FBLN2: variants seen among roughly 807,000 people sequenced by gnomAD.
The protein encoded by FBLN2 is fibulin-2.
In FBLN2, 81 loss-of-function variants were observed where a neutral mutation model predicts 123.7. That is an observed-to-expected ratio of 0.65 (90% CI 0.55 to 0.79). FBLN2 has a LOEUF of 0.79. FBLN2 is among the 30% of genes least tolerant of loss of function. The probability of loss-of-function intolerance (pLI) is 0.00; values close to 1 mark genes in which losing one functional copy is unlikely to be tolerated. For missense variants in FBLN2, 1,603 were observed against 1,681.3 expected, an observed-to-expected ratio of 0.95 and a Z score of 0.81; for synonymous variants, 699 against 701.4, an observed-to-expected ratio of 1.00 and a Z score of 0.05.
At chr3:13,619,665 G>C in intron 7 of FBLN2, 65 bp from the exon 8 acceptor site, 1 of 1,359,984 alleles carries the variant, frequency 7.4e-7, no homozygotes. Context: ...CAGGGATGGG[G>C]AATGAGCCAG....
At chr3:13,617,163 CATCCATCCATCCATCT>C (rs1338075217) in intron 5 of FBLN2, among the ~76,000 whole-genome samples, 2 of 151,670 alleles carry the variant, frequency 1.3e-5, no homozygotes, top group African/African-American at 2.4e-5. Context: ...TCCATCCATC[CATCCATCCATCCATCT>C]ATCCATCCAT....
chr3:13,571,540 T>C lies in FBLN2; in HGVS notation c.1185T>C (p.Asp395=). Residue 395 remains aspartate (D), a synonymous_variant, in exon 2 of 18, where the codon GAT becomes GAC. Transcript: ENST00000404922. ...ACATCCTGTCCACATCACTGCCTGA[T>C]GCAGCCTGGATCCCACCCACCCGAG... ...PHNILSTSLP[D]AAWIPPTREV... is the part of the protein sequence containing the mutation. 1.9e-6 allele frequency: 3 copies of C among 1,613,664 alleles called. No homozygotes were observed. Among genetic ancestry groups the C allele is most frequent in the Non-Finnish European group, 2.5e-6 (3 of 1,179,844 alleles).
At chr3:13,584,496 G>A (rs538182579) in intron 2 of FBLN2, among the ~76,000 whole-genome samples, 2 of 152,328 alleles carry the variant, frequency 1.3e-5, no homozygotes, top group South Asian at 4.1e-4. Context: ...GGGACCTGCA[G>A]GTTACTGTGC....
chr3:13,608,197 G>C, intron 3 of FBLN2, 24 bp downstream of exon 3: 1 of 1,531,978 alleles, frequency 6.5e-7, no homozygotes, highest in Non-Finnish European at 8.9e-7. Context: ...CCTGGAGCAG[G>C]CGGAGCTGCC....
intron 15 of FBLN2, 53 bp downstream of exon 15, chr3:13,630,868 G>C: frequency 7.2e-7 from 1 of 1,388,596 alleles, no homozygotes; most frequent in Non-Finnish European, 1.0e-6. Context: ...CCTTTCCCTT[G>C]TGCCAGGCTC....
chr3:13,581,606 C>T (rs966610356), intron 2 of FBLN2, among the ~76,000 whole-genome samples: 2 of 152,180 alleles, frequency 1.3e-5, no homozygotes, highest in Admixed American at 6.5e-5. Flanking sequence ...GTCAAGAGGC[C>T]AGCCCAGGGT....
chr3:13,570,671 A>G lies in FBLN2; in HGVS notation c.316A>G (p.Lys106Glu). The change falls in exon 2 of 18, where the codon AAG (lysine) becomes GAG (glutamate). Residue 106 changes from lysine to glutamate, a missense_variant. Transcript: ENST00000404922. ...GTGCTCCTGCCCACCAGGCGGCGGCAAGATCAGCTGCCAGTTCATGCTGTG... is the reference window on the plus strand; with the variant it reads ...GTGCTCCTGCCCACCAGGCGGCGGCGAGATCAGCTGCCAGTTCATGCTGTG... ...TECSCPPGGG[K>E]ISCQFMLCPE... is the part of the protein sequence containing the mutation. 1 of 1,586,202 alleles carries G rather than the reference A, an allele frequency of 6.3e-7. No homozygotes were observed.
chr3:13,555,775 G>C (rs934129851), intron 1 of FBLN2, among the ~76,000 whole-genome samples: 1 of 152,216 alleles, frequency 6.6e-6, no homozygotes, highest in Non-Finnish European at 1.5e-5. Context: ...AAAAAGAATG[G>C]TTGGCAAGCG....
Position 13,638,136 on chromosome 3 carries a change from C to T in FBLN2, c.*217C>T, listed in dbSNP as rs906563884. 2.5e-5 allele frequency: 16 copies of T among 651,296 alleles called. No homozygotes were observed. The Admixed American group carries it at 3.2e-4, about 13-fold the overall frequency. The allele number at this position is 651,296 out of a possible 1,614,324, so 40.3% of individuals were successfully genotyped here. A position where few individuals can be genotyped will look rare whatever the true frequency, so the allele number is the denominator to read the frequency against. Reference sequence around the variant, plus strand: ...CGCAGGCACCAAGTGGAAGCTTGCACGGTGGGCCACGGCCGTGGCGGGTGC... The same window carrying T: ...CGCAGGCACCAAGTGGAAGCTTGCATGGTGGGCCACGGCCGTGGCGGGTGC... On this transcript the variant is annotated 3_prime_UTR_variant, in exon 18 of 18. Coordinates refer to ENST00000404922, the MANE Select transcript of FBLN2 (RefSeq NM_001004019.2).
chr3:13,609,688 G>GGGGGGCCC, intron 4 of FBLN2, 46 bp downstream of exon 4: 1 of 512,600 alleles, frequency 2.0e-6, no homozygotes, highest in Non-Finnish European at 3.6e-6. Context: ...GTGGGGCGGG[G>GGGGGGCCC]CGGGAGGCTG....
At chr3:13,575,902 C>T (rs1248599047) in intron 2 of FBLN2, among the ~76,000 whole-genome samples, 1 of 152,350 alleles carries the variant, frequency 6.6e-6, no homozygotes, top group Admixed American at 6.5e-5. Context: ...GCTAGCCACA[C>T]CTCTTGGACT....
chr3:13,573,071 C>T (rs1488182605), intron 2 of FBLN2, among the ~76,000 whole-genome samples: 1 of 152,130 alleles, frequency 6.6e-6, no homozygotes, highest in Non-Finnish European at 1.5e-5. Context: ...CCTCACAGAC[C>T]CACAGACATT....
intron 1 of FBLN2, 77 bp from the exon 2 acceptor site, chr3:13,570,238 C>T (rs1703885917): frequency 9.9e-6 from 14 of 1,418,288 alleles, no homozygotes; most frequent in African/African-American, 1.4e-5. Flanking sequence ...TGGGCCCCTG[C>T]CCGCGTGCGT....
At chr3:13,561,867 A>G (rs1021938464) in intron 1 of FBLN2, among the ~76,000 whole-genome samples, 1 of 152,212 alleles carries the variant, frequency 6.6e-6, no homozygotes, top group Non-Finnish European at 1.5e-5. Flanking sequence ...AGACCTGTTC[A>G]AATCCCCACA....
At chr3:13,573,866 C>T (rs1359782675) in intron 2 of FBLN2, among the ~76,000 whole-genome samples, 2 of 144,984 alleles carry the variant, frequency 1.4e-5, no homozygotes, top group Admixed American at 7.1e-5. Flanking sequence ...TGCCATTGCA[C>T]TCCAGCCTGG....
Position 13,629,950 on chromosome 3 carries a change from G to T in FBLN2, c.2968+5G>T. Reference sequence around the variant, plus strand: ...CGGACGGCAAGCGCTGTGAAGGTAGGCTGGCCCTCATCTCTGACCCTATGC... The same window carrying T: ...CGGACGGCAAGCGCTGTGAAGGTAGTCTGGCCCTCATCTCTGACCCTATGC... On this transcript the variant is annotated splice_donor_5th_base_variant and intron_variant, in intron 14 of 17. Coordinates refer to ENST00000404922, the MANE Select transcript of FBLN2 (RefSeq NM_001004019.2). 1 of 1,610,254 alleles carries T rather than the reference G, an allele frequency of 6.2e-7. No homozygotes were observed. Among genetic ancestry groups the T allele is most frequent in the South Asian group, 1.1e-5 (1 of 90,206 alleles).
intron 3 of FBLN2, among the ~76,000 whole-genome samples, chr3:13,608,454 G>T (rs1051409243): frequency 6.6e-6 from 1 of 152,220 alleles, no homozygotes; most frequent in Non-Finnish European, 1.5e-5. Flanking sequence ...AGTTTTAAAG[G>T]AGTGCTGTCC....
intron 1 of FBLN2, among the ~76,000 whole-genome samples, chr3:13,556,797 C>T (rs919021196): frequency 6.6e-6 from 1 of 152,208 alleles, no homozygotes; most frequent in Non-Finnish European, 1.5e-5. Context: ...GTTGGCCTGC[C>T]CATTGCTGGA....
intron 8 of FBLN2, among the ~76,000 whole-genome samples, chr3:13,620,904 C>T (rs1342754751): frequency 5.9e-5 from 9 of 152,238 alleles, no homozygotes; most frequent in Non-Finnish European, 1.0e-4. Flanking sequence ...GGGTACATGA[C>T]GTGGCAGTGA....
Sources: allele counts gnomAD v4.1 joint callset (sites outside exome capture counted in the v4.1 genomes callset), GRCh38; gene constraint gnomAD v4.1.1; transcripts MANE v1.5; gene names NCBI Gene and HGNC (gene_info 2026-07-23, HGNC 2026-07-21).